The following GEMIN2 variants were observed in gnomAD, a reference collection of about 807,000 sequenced individuals.
GEMIN2 encodes the protein gem-associated protein 2.
Under a neutral mutation model 45.8 loss-of-function variants are expected in GEMIN2, and 37 were observed. The observed-to-expected ratio is 0.81, with a 90% confidence interval of 0.62 to 1.06. The LOEUF (loss-of-function observed/expected upper bound fraction) is 1.06. GEMIN2 is among the 50% of genes least tolerant of loss of function. The pLI, the probability that GEMIN2 is intolerant of heterozygous loss-of-function variation, is 0.00. For synonymous variants in GEMIN2, 101 were observed against 111.5 expected (o/e 0.91, Z 0.60); for missense variants, 335 against 321.8 (o/e 1.04, Z -0.31).
intron 4 of GEMIN2, among the ~76,000 whole-genome samples, chr14:39,119,799 C>G (rs532261898): frequency 1.3e-5 from 2 of 152,334 alleles, no homozygotes; most frequent in African/African-American, 4.8e-5. Flanking sequence ...AGGGAAGTAA[C>G]TTATCACTTG....
At chr14:39,122,394 C>A (rs1307281761) in intron 4 of GEMIN2, 36 bp from the exon 5 acceptor site, 17 of 1,059,128 alleles carry the variant, frequency 1.6e-5, no homozygotes, top group Non-Finnish European at 2.4e-5. Flanking sequence ...AAAATTAATA[C>A]ACAGGAATAA....
At chr14:39,114,714 A>G in intron 1 of GEMIN2, 115 bp from the exon 2 acceptor site, 1 of 699,688 alleles carries the variant, frequency 1.4e-6, no homozygotes, top group Non-Finnish European at 2.5e-6. Flanking sequence ...CTCAATTGGA[A>G]GTCTGAATTT....
In GEMIN2 at chr14:39,114,411, T is replaced by C. The variant is rs767145682; in HGVS notation, c.73T>C (p.Leu25=). Residue 25 remains leucine (L), a synonymous_variant, in exon 1 of 10, where the codon TTG becomes CTG. Transcript: ENST00000308317. ...GCTATTGCCGGTAGAGCCTTGCGAC[T>C]TGACGGAAGGTTTCGATCCCTCGGT... ...PRLLPVEPCD[L]TEGFDPSVPP... is the part of the protein sequence containing the mutation. The C allele has an allele frequency of 2.2e-5, 36 of 1,613,908 alleles. No individual in the cohort carries two copies. Among genetic ancestry groups the C allele is most frequent in the Non-Finnish European group, 2.9e-5 (34 of 1,179,858 alleles).
chr14:39,132,128 A>C (rs2052725303), intron 8 of GEMIN2, 60 bp downstream of exon 8: 1 of 803,088 alleles, frequency 1.2e-6, no homozygotes, highest in Admixed American at 1.9e-5. Flanking sequence ...GGTGGTAAAG[A>C]AGGAGTTCAG....
Position 39,136,845 on chromosome 14 carries a change from T to C in GEMIN2, c.*366T>C, listed in dbSNP as rs1360598823. Reference sequence around the variant, plus strand: ...ATAAAATTTTATTGAAAATATGTTTTGGTTACTAAAATTTTGTTTGACTCC... The same window carrying C: ...ATAAAATTTTATTGAAAATATGTTTCGGTTACTAAAATTTTGTTTGACTCC... On this transcript the variant is annotated 3_prime_UTR_variant, in exon 10 of 10. Coordinates refer to ENST00000308317, the MANE Select transcript of GEMIN2 (RefSeq NM_003616.3). The C allele has an allele frequency of 6.0e-6, 1 of 166,406 alleles. No homozygotes were observed. Among genetic ancestry groups the C allele is most frequent in the Non-Finnish European group, 1.3e-5 (1 of 78,014 alleles). The allele number at this position is 166,406 out of a possible 1,614,324, so 10.3% of individuals were successfully genotyped here.
In GEMIN2 at chr14:39,133,775, T is replaced by C. The variant is rs370940693; in HGVS notation, c.770+56T>C. On this transcript the variant is annotated intron_variant, in intron 9 of 9. Coordinates refer to ENST00000308317, the MANE Select transcript of GEMIN2 (RefSeq NM_003616.3). Reference sequence around the variant, plus strand: ...TATCAGTGAGGTCAGTGAGGTTAGATCGTATTTATTACATTTGGTTTTTGT... The same window carrying C: ...TATCAGTGAGGTCAGTGAGGTTAGACCGTATTTATTACATTTGGTTTTTGT... 9 of 956,232 alleles carry C rather than the reference T, an allele frequency of 9.4e-6. No individual in the cohort carries two copies. In the African/African-American group the frequency reaches 1.5e-4, roughly 16 times the overall value. 59.2% of individuals were successfully genotyped at this position (956,232 alleles called of 1,614,324 possible).
chr14:39,128,522 G>A (rs149341513), intron 7 of GEMIN2, among the ~76,000 whole-genome samples, 174 bp downstream of exon 7: 2,557 of 106,540 alleles, frequency 0.024, 37 homozygotes, highest in Middle Eastern at 0.047. Flanking sequence ...ACAAGGTCTC[G>A]CTCTGTTACC....
chr14:39,120,093 C>T (rs1566530905), intron 4 of GEMIN2, among the ~76,000 whole-genome samples: 2 of 152,046 alleles, frequency 1.3e-5, no homozygotes, highest in African/African-American at 4.8e-5. Flanking sequence ...AACATTATGA[C>T]TTGATAAAAT....
chr14:39,131,785 A>G (rs1341570501), intron 7 of GEMIN2, 173 bp from the exon 8 acceptor site: 1 of 532,324 alleles, frequency 1.9e-6, no homozygotes, highest in Non-Finnish European at 3.3e-6. Flanking sequence ...AGGATACAAG[A>G]GATAACACCT....
chr14:39,136,162 T>C (rs1418062469), intron 9 of GEMIN2, among the ~76,000 whole-genome samples: 2 of 152,212 alleles, frequency 1.3e-5, no homozygotes, highest in Non-Finnish European at 2.9e-5. Context: ...TAAGGTAGCA[T>C]ACAGAACAAT....
intron 7 of GEMIN2, 85 bp downstream of exon 7, chr14:39,128,433 C>T (rs1282613584): frequency 1.0e-5 from 7 of 693,442 alleles, no homozygotes; most frequent in Middle Eastern, 3.0e-4. Context: ...CAATGGTGCT[C>T]CTATAGGATT....
chr14:39,118,660 TA>T, intron 4 of GEMIN2, 61 bp downstream of exon 4: 1 of 729,578 alleles, frequency 1.4e-6, no homozygotes, highest in Non-Finnish European at 2.5e-6. Context: ...AGTCTATATT[TA>T]CTTCCAGTCG....
At chr14:39,118,697 G>T in intron 4 of GEMIN2, 98 bp downstream of exon 4, 2 of 592,826 alleles carry the variant, frequency 3.4e-6, no homozygotes, top group African/African-American at 1.8e-5. Context: ...CCTAGTCAGT[G>T]TTACTTTCAT....
At chr14:39,130,090 A>G (rs1423124435) in intron 7 of GEMIN2, among the ~76,000 whole-genome samples, 1 of 142,640 alleles carries the variant, frequency 7.0e-6, no homozygotes, top group East Asian at 2.0e-4. Flanking sequence ...AGTGTAGAGA[A>G]TATTTAATTT....
At position 39,114,827 on chromosome 14, in the gene GEMIN2, A is replaced by G. The variant is rs1430830132; in HGVS notation, c.138-2A>G. 2.0e-6 allele frequency: 3 copies of G among 1,499,994 alleles called. No individual in the cohort carries two copies. In the Admixed American group the frequency reaches 5.0e-5, roughly 25 times the overall value. 92.9% of individuals were successfully genotyped at this position (1,499,994 alleles called of 1,614,324 possible). On this transcript the variant is annotated splice_acceptor_variant, in intron 1 of 9. Coordinates refer to ENST00000308317, the MANE Select transcript of GEMIN2 (RefSeq NM_003616.3). LOFTEE classifies it high-confidence loss of function. ...TTTATCGCGTTTATTACTTATTTGT[A>G]GGATCGAAGCAGCTCAATGTCCAGA...
chr14:39,122,859 T>TC (rs1382062845), intron 5 of GEMIN2, among the ~76,000 whole-genome samples: 1 of 152,192 alleles, frequency 6.6e-6, no homozygotes, highest in Non-Finnish European at 1.5e-5. Flanking sequence ...TTACTGTGAC[T>TC]TTTTTTAGTT....
intron 6 of GEMIN2, among the ~76,000 whole-genome samples, 161 bp downstream of exon 6, chr14:39,125,197 T>C (rs2052624315): frequency 1.3e-5 from 2 of 152,058 alleles, no homozygotes; most frequent in South Asian, 2.1e-4. Flanking sequence ...CTATGGAGAG[T>C]TATTATTGAT....
chr14:39,128,287 T>A lies in GEMIN2; in HGVS notation c.539T>A (p.Val180Glu). The A allele has an allele frequency of 6.5e-7, 1 of 1,545,170 alleles. No individual in the cohort carries two copies. The highest frequency in any genetic ancestry group is 8.9e-7 in the Non-Finnish European group (1 of 1,127,738). The change falls in exon 7 of 10, where the codon GTA becomes GAA. Residue 180 changes from valine (V) to glutamate (E), a missense_variant. By Grantham distance (121) the Val-to-Glu change is moderately radical. Transcript: ENST00000308317. ...SIVSRMNQATVTSVLEYLSNW... is the reference protein window; with the variant it reads ...SIVSRMNQATETSVLEYLSNW... ...CCCTCTTTTTTTTTTTAGGCAACAG[T>A]AACTAGTGTCTTGGAATATCTGAGT... is the stretch of plus-strand genomic sequence containing the variant.
At chr14:39,116,846 G>A (rs1167005305) in intron 2 of GEMIN2, among the ~76,000 whole-genome samples, 1 of 152,088 alleles carries the variant, frequency 6.6e-6, no homozygotes, top group East Asian at 1.9e-4. Context: ...GAGTTCTTGG[G>A]CTCAAGCCAT....
Sources: allele counts gnomAD v4.1 joint callset (sites outside exome capture counted in the v4.1 genomes callset), GRCh38; gene constraint gnomAD v4.1.1; transcripts MANE v1.5; gene names NCBI Gene and HGNC (gene_info 2026-07-23, HGNC 2026-07-21).